The following STAT5A variants were observed in gnomAD, a reference collection of about 807,000 sequenced individuals.
STAT5A encodes signal transducer and activator of transcription 5A.
In STAT5A, 26 loss-of-function variants were observed where a neutral mutation model predicts 100.2. The ratio of observed to expected loss-of-function variants is 0.26; its 90% CI spans 0.19 to 0.36. STAT5A has a LOEUF of 0.36. Ranked by LOEUF, STAT5A falls within the 10% of genes least tolerant of loss-of-function variation. The probability of loss-of-function intolerance (pLI) is 1.00; values close to 1 mark genes in which losing one functional copy is unlikely to be tolerated. For missense variants in STAT5A, 634 were observed against 1,027.5 expected (o/e 0.62, Z 5.24); for synonymous variants, 330 against 424.3 (o/e 0.78, Z 2.73).
chr17:42,299,722 T>C, intron 5 of STAT5A, 29 bp from the exon 6 acceptor site: 1 of 1,614,062 alleles, frequency 6.2e-7, no homozygotes, highest in Non-Finnish European at 8.5e-7. Context: ...TAGGAGGTGA[T>C]GGTCATGGTT....
Position 42,289,386 on chromosome 17 carries a change from G to T in STAT5A, c.-10-16G>T. The T allele has an allele frequency of 6.3e-7, 1 of 1,594,454 alleles. No individual in the cohort carries two copies. The highest frequency in any genetic ancestry group is 1.1e-5 in the South Asian group (1 of 88,604). On this transcript the variant is annotated splice_polypyrimidine_tract_variant and intron_variant, in intron 1 of 18. Coordinates refer to ENST00000590949, the MANE Select transcript of STAT5A (RefSeq NM_001288718.2). ...CCTCTGCAGAGGAGAGCGCTTCAGC[G>T]CTCGGCTCGCCCTAGGTGAACGGCC...
chr17:42,290,052 G>A (rs1359211414), intron 3 of STAT5A, 30 bp downstream of exon 3: 4 of 1,573,514 alleles, frequency 2.5e-6, no homozygotes, highest in Non-Finnish European at 1.7e-6. Flanking sequence ...CACCTACGGG[G>A]AGGAAGCATC....
At position 42,308,231 on chromosome 17, in the gene STAT5A, A is replaced by G; in HGVS notation, c.1960A>G (p.Arg654Gly). Residue 654 changes from arginine (R) to glycine (G), a missense_variant, in exon 16 of 19, where the codon AGG (arginine) becomes GGG (glycine). Physicochemically the swap from Arg to Gly is moderately radical, Grantham distance 125. Coordinates refer to ENST00000590949, the MANE Select transcript of STAT5A (RefSeq NM_001288718.2). The surrounding 1 kb of genome is among the most constrained non-coding windows in gnomAD (Gnocchi z 4.6). The part of the protein sequence containing the change: ...KPFTTRDFSI[R>G]SLADRLGDLS... ...ATTCACCACGCGGGATTTCTCCATC[A>G]GGTCCCTGGCTGACCGGCTGGGGGA... is the stretch of plus-strand genomic sequence containing the variant. 1 of 1,614,222 alleles carries G rather than the reference A, an allele frequency of 6.2e-7. No individual in the cohort carries two copies. The highest frequency in any genetic ancestry group is 1.1e-5 in the South Asian group (1 of 91,086).
chr17:42,306,401 T>C lies in STAT5A; in HGVS notation c.1634T>C (p.Leu545Pro). 1 of 1,614,072 alleles carries C rather than the reference T, an allele frequency of 6.2e-7. No homozygotes were observed. Among genetic ancestry groups the C allele is most frequent in the East Asian group, 2.2e-5 (1 of 44,870 alleles). ...CTGTTCAACAACAGCAGCAGCCACC[T>C]GGAGGACTACAGTGGCCTGTCCGTG... ...QKLFNNSSSHLEDYSGLSVSW... is the reference protein window; with the variant it reads ...QKLFNNSSSHPEDYSGLSVSW... The change falls in exon 13 of 19, where the codon CTG becomes CCG. Residue 545 changes from leucine (L) to proline (P), a missense_variant. By Grantham distance (98) the Leu-to-Pro change is moderately conservative. Coordinates refer to ENST00000590949, the MANE Select transcript of STAT5A (RefSeq NM_001288718.2).
At chr17:42,310,174 A>G (rs991773979) in intron 18 of STAT5A, among the ~76,000 whole-genome samples, 1 of 152,272 alleles carries the variant, frequency 6.6e-6, no homozygotes, top group Non-Finnish European at 1.5e-5. Context: ...TGCTCAGTGA[A>G]CGGGGCGGTG....
Position 42,295,512 on chromosome 17 carries a change from T to G in STAT5A, c.376-107T>G, listed in dbSNP as rs971687315. On this transcript the variant is annotated intron_variant, in intron 4 of 18. Coordinates refer to ENST00000590949, the MANE Select transcript of STAT5A (RefSeq NM_001288718.2). ...CTTGCCCTAGTTTCCCTTCTTACCC[T>G]AGTTTGGGGTTTGGGGTTTGGGGTC... 3.3e-5 allele frequency: 40 copies of G among 1,200,084 alleles called. No homozygotes were observed. The African/African-American group carries it at 5.4e-4, about 16-fold the overall frequency. The allele number at this position is 1,200,084 out of a possible 1,614,324, so 74.3% of individuals were successfully genotyped here. A position where few individuals can be genotyped will look rare whatever the true frequency, so the allele number is the denominator to read the frequency against.
intron 11 of STAT5A, 97 bp from the exon 12 acceptor site, chr17:42,305,513 A>T: frequency 9.5e-7 from 1 of 1,053,338 alleles, no homozygotes; most frequent in South Asian, 1.5e-5. Context: ...AAAAAAAAAA[A>T]TACATAAAAA....
intron 5 of STAT5A, among the ~76,000 whole-genome samples, chr17:42,298,676 T>C (rs1162165967): frequency 6.6e-6 from 1 of 151,680 alleles, no homozygotes; most frequent in Non-Finnish European, 1.5e-5. Flanking sequence ...TTTCACTGTG[T>C]TAGCCAGGAT....
chr17:42,290,276 C>G, intron 3 of STAT5A: 1 of 396,362 alleles, frequency 2.5e-6, no homozygotes, highest in Non-Finnish European at 4.4e-6. Flanking sequence ...ATGGAAGCAG[C>G]AGAAGGGATG....
At chr17:42,289,369 G>A (rs1182061222) in intron 1 of STAT5A, 33 bp from the exon 2 acceptor site, 1 of 1,575,220 alleles carries the variant, frequency 6.3e-7, no homozygotes. Flanking sequence ...GGCCTCTGCA[G>A]AGGAGAGCGC....
chr17:42,300,218 G>A lies in STAT5A; in HGVS notation c.770G>A (p.Arg257Gln), dbSNP rs1209707048. Residue 257 changes from arginine (R) to glutamine (Q), a missense_variant, in exon 7 of 19, where the codon CGG becomes CAG. Arg to Gln is a conservative substitution (Grantham distance 43, BLOSUM62 1). Around this residue, in one of 5 missense-constraint regions of STAT5A, gnomAD observed 31 missense variants for 97.6 expected, o/e 0.32. Coordinates refer to ENST00000590949, the MANE Select transcript of STAT5A (RefSeq NM_001288718.2). ...GATGACGAGCTGATCCAGTGGAAGC[G>A]GCGGCAGCAGCTGGCCGGGAACGGC... is the stretch of plus-strand genomic sequence containing the variant. ...ILDDELIQWK[R>Q]RQQLAGNGGP... 4 of 1,503,510 alleles carry A rather than the reference G, an allele frequency of 2.7e-6. No homozygotes were observed. Among genetic ancestry groups the A allele is most frequent in the East Asian group, 2.5e-5 (1 of 40,394 alleles). The allele number at this position is 1,503,510 out of a possible 1,614,324, so 93.1% of individuals were successfully genotyped here. A position where few individuals can be genotyped will look rare whatever the true frequency, so the allele number is the denominator to read the frequency against.
At chr17:42,305,577 C>T (rs760162908) in intron 11 of STAT5A, 33 bp from the exon 12 acceptor site, 1 of 1,589,766 alleles carries the variant, frequency 6.3e-7, no homozygotes. Flanking sequence ...GGTGGTCACG[C>T]CCCATCAACT....
At chr17:42,291,290 C>G (rs1326181381) in intron 3 of STAT5A, among the ~76,000 whole-genome samples, 1 of 152,184 alleles carries the variant, frequency 6.6e-6, no homozygotes, top group Non-Finnish European at 1.5e-5. Context: ...ACAGATGAAG[C>G]GTCACTCACT....
chr17:42,307,633 C>G lies in STAT5A; in HGVS notation c.1816C>G (p.Leu606Val). The change falls in exon 15 of 19, where the codon CTG (leucine) becomes GTG (valine). Residue 606 changes from leucine (L) to valine (V), a missense_variant. Physicochemically the swap from Leu to Val is conservative, Grantham distance 32. Around this residue, in one of 5 missense-constraint regions of STAT5A, gnomAD observed 210 missense variants for 428.4 expected, o/e 0.49. Transcript: ENST00000590949. ...TGTGAATAAGCAACAGGCCCACGAC[C>G]TGCTCATCAACAAGCCCGACGGGAC... is the stretch of plus-strand genomic sequence containing the variant. ...GFVNKQQAHD[L>V]LINKPDGTFL... The G allele has an allele frequency of 6.2e-7, 1 of 1,614,150 alleles. No homozygotes were observed. The highest frequency in any genetic ancestry group is 8.5e-7 in the Non-Finnish European group (1 of 1,180,034).
chr17:42,287,851 CG>C (rs374653752), upstream of STAT5A: 1 of 152,310 alleles, frequency 6.6e-6, no homozygotes, highest in African/African-American at 2.4e-5. Flanking sequence ...CCAGTTCCTC[CG>C]TCAGGGTTGA....
rs2293155 is a variant in STAT5A at position 42,308,971 on chromosome 17, A to G, written c.2063-76A>G. ...AGGTGATGTGAGCAGGAGGGAGACT[A>G]CATGGGGCGTGGGCTTCCACCCCAC... On this transcript the variant is annotated intron_variant, in intron 16 of 18. Transcript: ENST00000590949. This position sits in a 1 kb window ranked among gnomAD's most constrained non-coding sequence, Gnocchi z 4.6. The G allele has an allele frequency of 0.19, 296,694 of 1,584,016 alleles. 30,120 individuals are homozygous for G. Among genetic ancestry groups the G allele is most frequent in the East Asian group, 0.35 (15,815 of 44,654 alleles).
At chr17:42,290,482 A>G (rs957483956) in intron 3 of STAT5A, among the ~76,000 whole-genome samples, 2 of 152,186 alleles carry the variant, frequency 1.3e-5, no homozygotes, top group African/African-American at 2.4e-5. Context: ...GGGAGTGGGT[A>G]TGGAGGAAGA....
At chr17:42,295,826 G>A (rs2080913675) in intron 5 of STAT5A, 33 bp downstream of exon 5, 1 of 1,608,894 alleles carries the variant, frequency 6.2e-7, no homozygotes, top group Non-Finnish European at 8.5e-7. Context: ...TGCATCCGGA[G>A]GGTGGGAGTG....
chr17:42,301,220 G>T (rs2080975096), intron 8 of STAT5A, 55 bp from the exon 9 acceptor site: 1 of 1,585,288 alleles, frequency 6.3e-7, no homozygotes. Flanking sequence ...GGGACTGAGA[G>T]CCCTTTCCCC....
Sources: gnomAD v4.1 joint callset for allele counts (sites outside exome capture counted in the v4.1 genomes callset) on GRCh38, gnomAD v4.1.1 for gene constraint, gnomAD v4.1.1 regional missense constraint, Gnocchi (gnomAD v3.1) non-coding constraint, MANE v1.5 for transcripts, NCBI Gene and HGNC (gene_info 2026-07-23, HGNC 2026-07-21) for gene names.